The following CLSTN2 variants were observed in gnomAD, a reference collection of about 807,000 sequenced individuals.
The protein encoded by CLSTN2 is calsyntenin 2, also known as calsyntenin-2.
CLSTN2 carries 48 observed loss-of-function variants against 101.2 expected under a neutral mutation model. The ratio of observed to expected loss-of-function variants is 0.47; its 90% CI spans 0.38 to 0.60. The LOEUF is 0.60. CLSTN2 is among the 20% of genes least tolerant of loss of function. The pLI is 0.00. For synonymous variants in CLSTN2, 481 were observed against 463.6 expected, an observed-to-expected ratio of 1.04 and a Z score of -0.48; for missense variants, 1,160 against 1,238.2, an observed-to-expected ratio of 0.94 and a Z score of 0.95.
At chr3:140,406,141 T>C (rs1407358848) in intron 4 of CLSTN2, among the ~76,000 whole-genome samples, 1 of 152,158 alleles carries the variant, frequency 6.6e-6, no homozygotes, top group Non-Finnish European at 1.5e-5. Flanking sequence ...AGCCAATGTC[T>C]AGAGGAAAAT....
At chr3:140,261,038 G>T (rs993841173) in intron 2 of CLSTN2, among the ~76,000 whole-genome samples, 1 of 152,118 alleles carries the variant, frequency 6.6e-6, no homozygotes, top group South Asian at 2.1e-4. Context: ...TGTTAAACTA[G>T]GTCGTCTGGC....
intron 1 of CLSTN2, among the ~76,000 whole-genome samples, chr3:139,965,993 C>T (rs1576379155): frequency 6.6e-6 from 1 of 152,142 alleles, no homozygotes; most frequent in South Asian, 2.1e-4. Context: ...CATTTTGACG[C>T]TAGCCAATGG....
intron 5 of CLSTN2, among the ~76,000 whole-genome samples, chr3:140,422,100 T>C (rs1385011832): frequency 6.6e-6 from 1 of 152,172 alleles, no homozygotes; most frequent in Non-Finnish European, 1.5e-5. Context: ...TCATAACTCA[T>C]AAACTGCTTC....
At chr3:140,386,831 ATAG>A (rs1041984019) in intron 2 of CLSTN2, among the ~76,000 whole-genome samples, 2 of 152,164 alleles carry the variant, frequency 1.3e-5, no homozygotes, top group African/African-American at 4.8e-5. Flanking sequence ...TTTACAGACA[ATAG>A]TAGCTCCAAG....
intron 8 of CLSTN2, among the ~76,000 whole-genome samples, chr3:140,485,026 G>A (rs1424421628): frequency 6.6e-6 from 1 of 152,218 alleles, no homozygotes; most frequent in Non-Finnish European, 1.5e-5. Flanking sequence ...TTTGGAGGAG[G>A]AGAGGCACTC....
chr3:140,478,872 G>GAGGAAGGAAGGAAGGAAGGA (rs34907334), intron 8 of CLSTN2, among the ~76,000 whole-genome samples: 1 of 141,422 alleles, frequency 7.1e-6, no homozygotes, highest in Non-Finnish European at 1.5e-5. Flanking sequence ...AAGGGGGAAG[G>GAGGAAGGAAGGAAGGAAGGA]AGGAAGGAAG....
intron 10 of CLSTN2, among the ~76,000 whole-genome samples, chr3:140,546,990 G>A (rs781363414): frequency 8.5e-5 from 13 of 152,350 alleles, no homozygotes; most frequent in Middle Eastern, 3.4e-3. Flanking sequence ...TTGTTTGTGC[G>A]TTAGTTGGCT....
intron 2 of CLSTN2, among the ~76,000 whole-genome samples, chr3:140,328,817 G>A (rs986722789): frequency 6.6e-6 from 1 of 152,182 alleles, no homozygotes; most frequent in African/African-American, 2.4e-5. Context: ...GTCATTGTGA[G>A]CATTAATATG....
At chr3:140,049,795 C>T (rs9818578) in intron 1 of CLSTN2, among the ~76,000 whole-genome samples, 9,726 of 152,298 alleles carry the variant, frequency 0.064, 364 homozygotes, top group Non-Finnish European at 0.079. Context: ...AAAAGGTGAT[C>T]ACAGTGTGGA....
intron 9 of CLSTN2, among the ~76,000 whole-genome samples, chr3:140,534,058 C>T (rs148613724): frequency 5.9e-5 from 9 of 152,042 alleles, no homozygotes; most frequent in East Asian, 1.9e-4. Flanking sequence ...CCAGGTAGAC[C>T]GTGTCACATG....
At chr3:140,419,266 T>G (rs2088466210) in intron 4 of CLSTN2, among the ~76,000 whole-genome samples, 1 of 150,674 alleles carries the variant, frequency 6.6e-6, no homozygotes, top group Non-Finnish European at 1.5e-5. Context: ...GTGGATCACC[T>G]GAGATCACGA....
chr3:140,348,348 G>T (rs775386488), intron 2 of CLSTN2, among the ~76,000 whole-genome samples: 11 of 152,132 alleles, frequency 7.2e-5, no homozygotes, highest in Non-Finnish European at 1.6e-4. Context: ...GCTTAAAAGG[G>T]CTTTTTCTTG....
At chr3:140,059,010 G>T (rs1470971432) in intron 1 of CLSTN2, among the ~76,000 whole-genome samples, 6 of 150,818 alleles carry the variant, frequency 4.0e-5, no homozygotes, top group Admixed American at 2.6e-4. Context: ...CACCCAATTA[G>T]CAGAAGTTAG....
chr3:140,018,434 G>A (rs2007243525), intron 1 of CLSTN2, among the ~76,000 whole-genome samples: 1 of 152,166 alleles, frequency 6.6e-6, no homozygotes, highest in Non-Finnish European at 1.5e-5. Flanking sequence ...AGCTAGGAAG[G>A]CATTGGATCT....
chr3:139,977,617 C>T (rs1935841320), intron 1 of CLSTN2, among the ~76,000 whole-genome samples: 1 of 148,908 alleles, frequency 6.7e-6, no homozygotes, highest in Non-Finnish European at 1.5e-5. Context: ...AATTCACATG[C>T]TTTGGACCAT....
At position 140,518,260 on chromosome 3, in the gene CLSTN2, T is replaced by G. The variant is rs1390177061; in HGVS notation, c.1345-14064T>G. 2.0e-3 allele frequency among the ~76,000 whole-genome samples: 309 copies of G among 152,350 alleles called. 3 individuals carry two copies. Among genetic ancestry groups the G allele is most frequent in the Admixed American group, 3.5e-3 (53 of 15,306 alleles). ...AAGCAAGCAGGGCTTTCAGGATTTATGCCTTCCCACCTGTAGCAACTTCTG... is the reference window on the plus strand; with the variant it reads ...AAGCAAGCAGGGCTTTCAGGATTTAGGCCTTCCCACCTGTAGCAACTTCTG... On this transcript the variant is annotated intron_variant, in intron 8 of 16. Transcript: ENST00000458420.
intron 1 of CLSTN2, among the ~76,000 whole-genome samples, chr3:140,114,983 A>G (rs2009217085): frequency 6.6e-6 from 1 of 152,270 alleles, no homozygotes; most frequent in Non-Finnish European, 1.5e-5. Context: ...GACTTTTGCC[A>G]GCTCTCTTCA....
chr3:140,391,995 G>A (rs1401626479), intron 2 of CLSTN2, among the ~76,000 whole-genome samples: 1 of 151,724 alleles, frequency 6.6e-6, no homozygotes, highest in East Asian at 1.9e-4. Flanking sequence ...GTTTTAAGAG[G>A]GAACATTATC....
chr3:140,192,752 C>T (rs1326200643), intron 2 of CLSTN2, among the ~76,000 whole-genome samples: 1 of 151,792 alleles, frequency 6.6e-6, no homozygotes. Flanking sequence ...ATCTACTCTG[C>T]TGAGATCTGC....
Sources: allele counts gnomAD v4.1 joint callset (sites outside exome capture counted in the v4.1 genomes callset), GRCh38; gene constraint gnomAD v4.1.1; transcripts MANE v1.5; gene names NCBI Gene and HGNC (gene_info 2026-07-23, HGNC 2026-07-21).